FAM13A: variants seen among roughly 807,000 people sequenced by gnomAD.
The protein encoded by FAM13A is family with sequence similarity 13 member A, also known as protein FAM13A.
FAM13A carries 76 observed loss-of-function variants against 129.6 expected under a neutral mutation model. That is an observed-to-expected ratio of 0.59 (90% CI 0.49 to 0.71). The LOEUF is 0.71. Among genes scored for constraint, FAM13A ranks in the 30% least tolerant of loss-of-function variants. The probability of loss-of-function intolerance (pLI) is 0.00; values close to 1 mark genes in which losing one functional copy is unlikely to be tolerated. For missense variants in FAM13A, 1,108 were observed against 1,249.3 expected, an observed-to-expected ratio of 0.89 and a Z score of 1.70; for synonymous variants, 443 against 449.9, an observed-to-expected ratio of 0.98 and a Z score of 0.20.
chr4:88,728,756 G>T, intron 23 of FAM13A, 97 bp from the exon 24 acceptor site: 2 of 1,433,018 alleles, frequency 1.4e-6, no homozygotes, highest in African/African-American at 1.4e-5. Flanking sequence ...AAACTTTGCA[G>T]TTTATCAACT....
chr4:89,013,975 T>G (rs1766101667), intron 3 of FAM13A, among the ~76,000 whole-genome samples: 1 of 152,038 alleles, frequency 6.6e-6, no homozygotes, highest in South Asian at 2.1e-4. Flanking sequence ...TCTGAGTGAG[T>G]GTGGGCATGG....
At chr4:88,801,727 A>G in intron 8 of FAM13A, among the ~76,000 whole-genome samples, 1 of 152,170 alleles carries the variant, frequency 6.6e-6, no homozygotes, top group Non-Finnish European at 1.5e-5. Flanking sequence ...TTATATGTAT[A>G]ATCCAGGAAT....
intron 4 of FAM13A, among the ~76,000 whole-genome samples, chr4:88,944,339 A>G (rs1246197397): frequency 4.6e-5 from 7 of 152,320 alleles, no homozygotes; most frequent in African/African-American, 1.7e-4. Context: ...GTGACAGAGC[A>G]AGACCCTAGT....
Position 89,020,467 on chromosome 4 carries a change from G to T in FAM13A, c.420C>A (p.Leu140=). 1.2e-6 allele frequency: 2 copies of T among 1,612,558 alleles called. No homozygotes were observed. The highest frequency in any genetic ancestry group is 1.7e-6 in the Non-Finnish European group (2 of 1,178,764). Residue 140 remains leucine (L), a synonymous_variant, in exon 3 of 24, where the codon CTC becomes CTA. Transcript: ENST00000264344. The part of the protein sequence containing the change: ...TSALQPRFIQ[L]FQDGRNDVQE... ...AGGATTTATTGTACTAACCCTGAAAGAGTTGAATGAATCGAGGCTGCAACG... is the reference window on the plus strand; with the variant it reads ...AGGATTTATTGTACTAACCCTGAAATAGTTGAATGAATCGAGGCTGCAACG...
intron 14 of FAM13A, among the ~76,000 whole-genome samples, chr4:88,755,773 T>C (rs1274731647): frequency 6.6e-6 from 1 of 152,218 alleles, no homozygotes; most frequent in Admixed American, 6.5e-5. Context: ...CAGTAAGTGA[T>C]GAGTTAGATA....
intron 5 of FAM13A, among the ~76,000 whole-genome samples, chr4:88,931,268 C>T (rs1259991058): frequency 6.6e-6 from 1 of 152,150 alleles, no homozygotes; most frequent in African/African-American, 2.4e-5. Context: ...GATGAGGCTG[C>T]TCTAGGCTTG....
intron 14 of FAM13A, among the ~76,000 whole-genome samples, chr4:88,751,364 T>C (rs960235177): frequency 6.6e-6 from 1 of 152,158 alleles, no homozygotes; most frequent in East Asian, 1.9e-4. Context: ...AGGAACCACA[T>C]CAATCTTGAG....
Position 88,726,001 on chromosome 4 carries a change from TATGAA to T in FAM13A, c.*2527_*2531del, listed in dbSNP as rs1270878468. On this transcript the variant is annotated 3_prime_UTR_variant, in exon 24 of 24. Coordinates refer to ENST00000264344, the MANE Select transcript of FAM13A (RefSeq NM_014883.4). ...TTTAATTCTTAAGTTTACTTACACT[TATGAA>T]ATAACTCTTGACATTTATTTTGTTG... 3.3e-5 allele frequency: 5 copies of T among 152,240 alleles called. No homozygotes were observed. The highest frequency in any genetic ancestry group is 4.8e-5 in the African/African-American group (2 of 41,470). 9.4% of individuals were successfully genotyped at this position (152,240 alleles called of 1,614,324 possible).
At chr4:88,873,907 C>A (rs755196755) in intron 6 of FAM13A, among the ~76,000 whole-genome samples, 1 of 151,924 alleles carries the variant, frequency 6.6e-6, no homozygotes, top group African/African-American at 2.4e-5. Context: ...ACTGGCAAAC[C>A]GAATCCAGCA....
At chr4:88,983,207 C>A (rs1761855217) in intron 4 of FAM13A, among the ~76,000 whole-genome samples, 1 of 151,964 alleles carries the variant, frequency 6.6e-6, no homozygotes. Flanking sequence ...AGAGTTATAC[C>A]TTGGATAACC....
At chr4:89,036,879 A>C (rs1299470944) in intron 1 of FAM13A, among the ~76,000 whole-genome samples, 3 of 152,234 alleles carry the variant, frequency 2.0e-5, no homozygotes, top group Non-Finnish European at 4.4e-5. Context: ...TGGCTGCCAC[A>C]TATTAAGCCT....
chr4:88,933,553 T>C (rs1753380499), intron 5 of FAM13A, among the ~76,000 whole-genome samples: 1 of 152,180 alleles, frequency 6.6e-6, no homozygotes, highest in Non-Finnish European at 1.5e-5. Flanking sequence ...AAATCAGTAA[T>C]GCAAACCTCC....
At chr4:88,961,176 G>A (rs1035334094) in intron 4 of FAM13A, among the ~76,000 whole-genome samples, 1 of 151,762 alleles carries the variant, frequency 6.6e-6, no homozygotes, top group Non-Finnish European at 1.5e-5. Flanking sequence ...ACTTGAAATG[G>A]AAAAACAAAC....
Position 88,781,303 on chromosome 4 carries a change from A to G in FAM13A, c.1320T>C (p.Asp440=). 1 of 1,612,482 alleles carries G rather than the reference A, an allele frequency of 6.2e-7. No individual in the cohort carries two copies. The highest frequency in any genetic ancestry group is 8.5e-7 in the Non-Finnish European group (1 of 1,179,184). Residue 440 remains aspartate (D), a synonymous_variant, in exon 11 of 24, where the codon GAT becomes GAC. Coordinates refer to ENST00000264344, the MANE Select transcript of FAM13A (RefSeq NM_014883.4). Reference sequence around the variant, plus strand: ...CTTCCTGAGTATTCAAAATACAATCATCAAGGTGGTTGAACCCAGAAGGAG... The same window carrying G: ...CTTCCTGAGTATTCAAAATACAATCGTCAAGGTGGTTGAACCCAGAAGGAG... ...ENTPSGFNHL[D]DCILNTQEVE...
chr4:88,768,630 T>C (rs1444629494), intron 11 of FAM13A, among the ~76,000 whole-genome samples: 1 of 152,118 alleles, frequency 6.6e-6, no homozygotes, highest in Non-Finnish European at 1.5e-5. Flanking sequence ...CTTCCAATAT[T>C]ATCTAGAGTA....
chr4:88,749,702 G>T (rs1479333461), intron 16 of FAM13A, 69 bp downstream of exon 16: 7 of 1,538,578 alleles, frequency 4.5e-6, no homozygotes, highest in Non-Finnish European at 4.4e-6. Flanking sequence ...TCGTTTCTTT[G>T]AGTTGCTGAA....
intron 6 of FAM13A, among the ~76,000 whole-genome samples, chr4:88,851,948 C>T (rs1737634305): frequency 6.6e-6 from 1 of 152,014 alleles, no homozygotes; most frequent in Non-Finnish European, 1.5e-5. Context: ...AAATATTATG[C>T]CAGAATTGTA....
At chr4:88,868,522 G>C (rs1740823740) in intron 6 of FAM13A, among the ~76,000 whole-genome samples, 1 of 152,016 alleles carries the variant, frequency 6.6e-6, no homozygotes, top group South Asian at 2.1e-4. Flanking sequence ...CTCTTGCCAG[G>C]GGTGATCTGA....
At chr4:89,036,451 G>A (rs1769399438) in intron 1 of FAM13A, among the ~76,000 whole-genome samples, 1 of 152,174 alleles carries the variant, frequency 6.6e-6, no homozygotes, top group African/African-American at 2.4e-5. Flanking sequence ...TGAGCAAAGA[G>A]ATTATCTGAA....
Sources: allele counts gnomAD v4.1 joint callset (sites outside exome capture counted in the v4.1 genomes callset), GRCh38; gene constraint gnomAD v4.1.1; transcripts MANE v1.5; gene names NCBI Gene and HGNC (gene_info 2026-07-23, HGNC 2026-07-21).